The following ZNF527 variants were observed in gnomAD, a reference collection of about 807,000 sequenced individuals.
ZNF527 encodes zinc finger protein 527.
In ZNF527, 5 loss-of-function variants were observed where a neutral mutation model predicts 13.5. The observed-to-expected ratio is 0.37, with a 90% CI of 0.19 to 0.78. The LOEUF (loss-of-function observed/expected upper bound fraction) is 0.78, where lower values mean the gene tolerates loss of function less well. Among genes scored for constraint, ZNF527 ranks in the 30% least tolerant of loss-of-function variants. The pLI, the probability that ZNF527 is intolerant of heterozygous loss-of-function variation, is 0.48. For missense variants in ZNF527, 628 were observed against 726.4 expected (o/e 0.86, Z 1.56); for synonymous variants, 209 against 243.1 (o/e 0.86, Z 1.30).
At chr19:37,382,734 A>C (rs2040664352) in intron 4 of ZNF527, among the ~76,000 whole-genome samples, 2 of 152,160 alleles carry the variant, frequency 1.3e-5, no homozygotes, top group Non-Finnish European at 2.9e-5. Flanking sequence ...TTTGAGATGG[A>C]GTCTCGCTCT....
intron 4 of ZNF527, among the ~76,000 whole-genome samples, chr19:37,387,808 A>G (rs993424769): frequency 1.3e-5 from 2 of 152,206 alleles, no homozygotes; most frequent in African/African-American, 4.8e-5. Context: ...AGTTGCTATG[A>G]GATTAATCTG....
intron 1 of ZNF527, among the ~76,000 whole-genome samples, chr19:37,372,467 CTT>C (rs1022024971): frequency 1.7e-4 from 11 of 65,638 alleles, no homozygotes; most frequent in African/African-American, 7.7e-4. Flanking sequence ...CTTTTCTTTT[CTT>C]TTTTTTTTTT....
At chr19:37,374,297 G>A (rs2040582252) in intron 2 of ZNF527, 66 bp downstream of exon 2, 1 of 1,531,872 alleles carries the variant, frequency 6.5e-7, no homozygotes, top group Non-Finnish European at 9.0e-7. Flanking sequence ...TGGGACCACA[G>A]GGAAAATCAC....
chr19:37,388,706 G>A lies in ZNF527; in HGVS notation c.657G>A (p.Leu219=). ...YKRLHAEKES[L]IGNECEEFNQ... ...GACTCCATGCTGAGAAGGAATCTTT[G>A]ATAGGTAATGAATGTGAAGAATTCA... Residue 219 remains leucine, a synonymous_variant, in exon 5 of 5, where the codon TTG becomes TTA. Transcript: ENST00000436120. 1 of 1,611,486 alleles carries A rather than the reference G, an allele frequency of 6.2e-7. No homozygotes were observed. Among genetic ancestry groups the A allele is most frequent in the Non-Finnish European group, 8.5e-7 (1 of 1,179,348 alleles).
In ZNF527 at chr19:37,380,406, T is replaced by C. The variant is rs1022396960; in HGVS notation, c.256+34T>C. On this transcript the variant is annotated intron_variant, in intron 4 of 4. Coordinates refer to ENST00000436120, the MANE Select transcript of ZNF527 (RefSeq NM_032453.2). ...CAGATCACCAGGCAGGGAGGACTAT[T>C]GTAAGGTACTCAACCAAGTAGTAAG... 9 of 1,584,276 alleles carry C rather than the reference T, an allele frequency of 5.7e-6. No individual in the cohort carries two copies. The African/African-American group carries it at 1.2e-4, about 21-fold the overall frequency.
In ZNF527 at chr19:37,390,764, T is replaced by C. The variant is rs2040745801; in HGVS notation, c.*885T>C. 1 of 152,222 alleles carries C rather than the reference T, an allele frequency of 6.6e-6. No individual in the cohort carries two copies. The highest frequency in any genetic ancestry group is 2.1e-4 in the South Asian group (1 of 4,836). 9.4% of individuals were successfully genotyped at this position (152,222 alleles called of 1,614,324 possible). On this transcript the variant is annotated 3_prime_UTR_variant, in exon 5 of 5. Coordinates refer to ENST00000436120, the MANE Select transcript of ZNF527 (RefSeq NM_032453.2). The stretch of plus-strand genomic sequence containing the variant: ...TTTGTGATCCAATAAATTTCCTTTT[T>C]TTGCTTAATTTGGATTATATTTTTG...
Position 37,389,470 on chromosome 19 carries a change from A to C in ZNF527, c.1421A>C (p.Lys474Thr). The change falls in exon 5 of 5, where the codon AAA (lysine) becomes ACA (threonine). Residue 474 changes from lysine (K) to threonine (T), a missense_variant. Lys to Thr is a moderately conservative substitution (Grantham distance 78). Transcript: ENST00000436120. ...GGAGAAAAGCCCTATGAATGCATCA[A>C]ATGTGGGAAGTTTTTTAGGACTGAC... is the stretch of plus-strand genomic sequence containing the variant. Reference protein sequence around the residue: ...HTGEKPYECIKCGKFFRTDSQ... With the variant: ...HTGEKPYECITCGKFFRTDSQ... The C allele has an allele frequency of 1.2e-6, 2 of 1,614,188 alleles. No homozygotes were observed. The highest frequency in any genetic ancestry group is 1.7e-6 in the Non-Finnish European group (2 of 1,180,026).
chr19:37,371,795 T>C (rs530275271), intron 1 of ZNF527, among the ~76,000 whole-genome samples: 1 of 152,240 alleles, frequency 6.6e-6, no homozygotes. Flanking sequence ...TCTTTGTGCT[T>C]ATGTGGCTGT....
rs1568700309 is a variant in ZNF527, at chr19:37,390,685, TCTC to T, written c.*809_*811del. ...ACAGAAATATGATGATACAGCTTGATCTCCTGGATCCAGTCATTCCTGACAGCT... is the reference window on the plus strand; with the variant it reads ...ACAGAAATATGATGATACAGCTTGATCTGGATCCAGTCATTCCTGACAGCT... On this transcript the variant is annotated 3_prime_UTR_variant, in exon 5 of 5. Transcript: ENST00000436120. 1 of 152,206 alleles carries T rather than the reference TCTC, an allele frequency of 6.6e-6. No homozygotes were observed. The allele number at this position is 152,206 out of a possible 1,614,324, so 9.4% of individuals were successfully genotyped here. A position where few individuals can be genotyped will look rare whatever the true frequency, so the allele number is the denominator to read the frequency against.
chr19:37,372,850 G>C (rs570161669), intron 1 of ZNF527, among the ~76,000 whole-genome samples: 4 of 152,210 alleles, frequency 2.6e-5, no homozygotes, highest in African/African-American at 9.6e-5. Flanking sequence ...GTTTGTTGTT[G>C]CTTTAGTATT....
chr19:37,389,643 G>A lies in ZNF527; in HGVS notation c.1594G>A (p.Gly532Arg). 1 of 1,613,878 alleles carries A rather than the reference G, an allele frequency of 6.2e-7. No individual in the cohort carries two copies. The highest frequency in any genetic ancestry group is 2.2e-5 in the East Asian group (1 of 44,850). ...GEKPYECNKC[G>R]KAFSCGSYLN... ...GAAACCCTATGAATGTAACAAATGT[G>A]GAAAGGCCTTCAGTTGTGGCTCATA... The change falls in exon 5 of 5, where the codon GGA (glycine) becomes AGA (arginine). Residue 532 changes from glycine to arginine, a missense_variant. Gly to Arg is a moderately radical substitution (Grantham distance 125). Coordinates refer to ENST00000436120, the MANE Select transcript of ZNF527 (RefSeq NM_032453.2).
intron 3 of ZNF527, 109 bp downstream of exon 3, chr19:37,379,355 C>T (rs2040633550): frequency 9.5e-7 from 1 of 1,048,012 alleles, no homozygotes; most frequent in East Asian, 2.8e-5. Context: ...CACTTACTTG[C>T]CTTTCTACTT....
At position 37,391,580 on chromosome 19, in the gene ZNF527, A is replaced by ACAAT. The variant is rs1219665144; in HGVS notation, c.*1701_*1702insCAAT. On this transcript the variant is annotated 3_prime_UTR_variant, in exon 5 of 5. Coordinates refer to ENST00000436120, the MANE Select transcript of ZNF527 (RefSeq NM_032453.2). ...GCGAAACTCCTTCTCAAAAAAAAAA[A>ACAAT]AAAAAAAAAAATAAATAAATAAATA... 1.2e-5 allele frequency: 1 copy of ACAAT among 84,458 alleles called. No homozygotes were observed. The highest frequency in any genetic ancestry group is 2.4e-5 in the Non-Finnish European group (1 of 41,124). The allele number at this position is 84,458 out of a possible 1,614,324, so 5.2% of individuals were successfully genotyped here. A position where few individuals can be genotyped will look rare whatever the true frequency, so the allele number is the denominator to read the frequency against.
intron 1 of ZNF527, among the ~76,000 whole-genome samples, chr19:37,372,353 G>A (rs990253663): frequency 1.3e-5 from 2 of 151,996 alleles, no homozygotes; most frequent in South Asian, 4.2e-4. Flanking sequence ...AACTGCTAGG[G>A]ACTGAGTTGC....
chr19:37,385,805 C>T (rs1359789387), intron 4 of ZNF527, among the ~76,000 whole-genome samples: 1 of 152,148 alleles, frequency 6.6e-6, no homozygotes, highest in Non-Finnish European at 1.5e-5. Context: ...TTACTCCCTT[C>T]TCTCTTCCAA....
chr19:37,381,627 A>G (rs1324353238), intron 4 of ZNF527, among the ~76,000 whole-genome samples: 2 of 152,052 alleles, frequency 1.3e-5, no homozygotes, highest in Non-Finnish European at 2.9e-5. Context: ...TTATTTTTCT[A>G]TTTGTAGTTA....
intron 2 of ZNF527, among the ~76,000 whole-genome samples, chr19:37,375,327 CTTT>C (rs2040597441): frequency 1.7e-5 from 2 of 119,218 alleles, no homozygotes; most frequent in Non-Finnish European, 3.6e-5. Context: ...TTCTTTCTTT[CTTT>C]CTTTCTTTCC....
At chr19:37,371,827 G>A (rs1177084898) in intron 1 of ZNF527, among the ~76,000 whole-genome samples, 2 of 152,104 alleles carry the variant, frequency 1.3e-5, no homozygotes, top group Non-Finnish European at 2.9e-5. Flanking sequence ...GATTATGGGT[G>A]TGTTTGTGTG....
At chr19:37,374,100 T>C in intron 1 of ZNF527, 58 bp from the exon 2 acceptor site, 1 of 1,227,204 alleles carries the variant, frequency 8.1e-7, no homozygotes, top group Non-Finnish European at 1.2e-6. Context: ...TTGTGGGTCT[T>C]GGACCAAAAA....
Sources: gnomAD v4.1 joint callset for allele counts (sites outside exome capture counted in the v4.1 genomes callset) on GRCh38, gnomAD v4.1.1 for gene constraint, MANE v1.5 for transcripts, NCBI Gene and HGNC (gene_info 2026-07-23, HGNC 2026-07-21) for gene names.